The following MEIS3 variants were observed in gnomAD, a reference collection of about 807,000 sequenced individuals.
The protein encoded by MEIS3 is Meis homeobox 3.
A neutral mutation model predicts 51.4 loss-of-function variants in MEIS3; 38 were observed. The observed-to-expected ratio is 0.74, with a 90% CI of 0.57 to 0.97. The LOEUF is 0.97. MEIS3 is among the 50% of genes least tolerant of loss of function. MEIS3 has a pLI of 0.00. For missense variants in MEIS3, 456 were observed against 502.6 expected, an observed-to-expected ratio of 0.91 and a Z score of 0.89; for synonymous variants, 198 against 201.8, an observed-to-expected ratio of 0.98 and a Z score of 0.16.
At chr19:47,420,908 T>TCTCA (rs1312329191), upstream of MEIS3, among the ~76,000 whole-genome samples, 1 of 95,822 alleles carries the variant, frequency 1.0e-5, no homozygotes, top group African/African-American at 3.9e-5. Flanking sequence ...TCTCTCTCTC[T>TCTCA]CTCACACACA....
At chr19:47,407,244 G>A in intron 9 of MEIS3, 107 bp from the exon 10 acceptor site, 1 of 1,479,272 alleles carries the variant, frequency 6.8e-7, no homozygotes. Flanking sequence ...GGCAGAGCGG[G>A]GCGAGCAGGG....
chr19:47,416,979 A>G lies in MEIS3; in HGVS notation c.186-16T>C. 6.4e-7 allele frequency: 1 copy of G among 1,565,600 alleles called. No homozygotes were observed. Reference sequence around the variant, plus strand: ...GAGCGGGTGTCTGGGGAGGCAGGAAAGGAGAGAGGTTGAGGGAGAGGCTGG... The same window carrying G: ...GAGCGGGTGTCTGGGGAGGCAGGAAGGGAGAGAGGTTGAGGGAGAGGCTGG... On this transcript the variant is annotated splice_polypyrimidine_tract_variant and intron_variant, in intron 2 of 12. Coordinates refer to ENST00000558555, the MANE Select transcript of MEIS3 (RefSeq NM_001301059.2).
chr19:47,419,054 C>G lies in MEIS3; in HGVS notation c.12+16G>C. On this transcript the variant is annotated intron_variant, in intron 1 of 12. Transcript: ENST00000558555. ...CGGAAGCGGCCGGGACGCGGGGTCC[C>G]CGCCCCGAGACCTACCCTCCGGGCC... 8.0e-7 allele frequency: 1 copy of G among 1,245,298 alleles called. No homozygotes were observed. Among genetic ancestry groups the G allele is most frequent in the Non-Finnish European group, 1.0e-6 (1 of 996,010 alleles). The allele number at this position is 1,245,298 out of a possible 1,614,324, so 77.1% of individuals were successfully genotyped here.
At chr19:47,407,618 A>C in intron 8 of MEIS3, 190 bp from the exon 9 acceptor site, 2 of 1,375,170 alleles carry the variant, frequency 1.5e-6, no homozygotes, top group Non-Finnish European at 9.5e-7. Context: ...GGGCAATTAC[A>C]TGCCTGCCAG....
rs758180562 is a variant in MEIS3, at chr19:47,407,369, G to A, written c.918C>T (p.Ile306=). The change falls in exon 9 of 13, where the codon ATC becomes ATT. Residue 306 remains isoleucine (I), a synonymous_variant. Coordinates refer to ENST00000558555, the MANE Select transcript of MEIS3 (RefSeq NM_001301059.2). ...CCACTCACCAGTTGTTGACTTGCAG[G>A]ATGGTGAGCCCCGTGTCCTGCGCCA... The part of the protein sequence containing the change: ...KQLAQDTGLT[I]LQVNNWFINA... 5 of 1,613,306 alleles carry A rather than the reference G, an allele frequency of 3.1e-6. No homozygotes were observed. The East Asian group carries it at 8.9e-5, about 29-fold the overall frequency.
Position 47,407,409 on chromosome 19 carries a change from T to C in MEIS3, c.878A>G (p.Glu293Gly). Residue 293 changes from glutamate (E) to glycine (G), a missense_variant, in exon 9 of 13, where the codon GAG (glutamate) becomes GGG (glycine). Coordinates refer to ENST00000558555, the MANE Select transcript of MEIS3 (RefSeq NM_001301059.2). ...QHLSHPYPSE[E>G]QKKQLAQDTG... is the part of the protein sequence containing the mutation. ...GTCCTGCGCCAGCTGTTTCTTCTGC[T>C]CCTCCGAGGGGTACGGGTGCTGCAG... 1.9e-6 allele frequency: 3 copies of C among 1,613,550 alleles called. No homozygotes were observed. In the South Asian group the frequency reaches 3.3e-5, roughly 18 times the overall value.
intron 6 of MEIS3, 57 bp downstream of exon 6, chr19:47,414,660 G>A (rs968409569): frequency 1.1e-4 from 173 of 1,537,114 alleles, no homozygotes; most frequent in East Asian, 1.9e-4. Flanking sequence ...GCCCTCATGC[G>A]GTGTCCAGGC....
intron 12 of MEIS3, among the ~76,000 whole-genome samples, chr19:47,405,068 G>T (rs1006683929): frequency 1.3e-5 from 2 of 152,192 alleles, no homozygotes; most frequent in Admixed American, 1.3e-4. Context: ...GAAACTCTAG[G>T]CTGCCTCCCT....
upstream of MEIS3, among the ~76,000 whole-genome samples, chr19:47,420,940 A>ACACACACACACACTCTCT (rs1187725467): frequency 3.3e-5 from 3 of 90,998 alleles, no homozygotes; most frequent in African/African-American, 1.1e-4. Context: ...ACACACACAC[A>ACACACACACACACTCTCT]CTCTCTCTCT....
upstream of MEIS3, among the ~76,000 whole-genome samples, chr19:47,420,647 T>C (rs937028536): frequency 3.3e-4 from 49 of 149,424 alleles, no homozygotes; most frequent in African/African-American, 1.2e-3. Flanking sequence ...CCTGGAGTCG[T>C]CCCTGCCACC....
rs1389432604 is a variant in MEIS3, at chr19:47,414,772, C to A, written c.542G>T (p.Gly181Val). 2 of 1,613,352 alleles carry A rather than the reference C, an allele frequency of 1.2e-6. No individual in the cohort carries two copies. Among genetic ancestry groups the A allele is most frequent in the Admixed American group, 3.3e-5 (2 of 59,994 alleles). The change falls in exon 6 of 13, where the codon GGC (glycine) becomes GTC (valine). Residue 181 changes from glycine to valine, a missense_variant. By Grantham distance (109) the Gly-to-Val change is moderately radical. Coordinates refer to ENST00000558555, the MANE Select transcript of MEIS3 (RefSeq NM_001301059.2). Reference sequence around the variant, plus strand: ...GTAGTCCTCGAAGTCCTCCCTGCAGCCGCCGTCCCGATCCTCGATGACCAG... The same window carrying A: ...GTAGTCCTCGAAGTCCTCCCTGCAGACGCCGTCCCGATCCTCGATGACCAG... ...IDLVIEDRDG[G>V]CREDFEDYPA... is the part of the protein sequence containing the mutation.
At chr19:47,411,542 CTTTTT>C (rs1249273264) in intron 6 of MEIS3, among the ~76,000 whole-genome samples, 1 of 96,010 alleles carries the variant, frequency 1.0e-5, no homozygotes. Flanking sequence ...TTTTTCTTTT[CTTTTT>C]TTTTTTTTTT....
At chr19:47,422,008 T>TG (rs1431914408), upstream of MEIS3, among the ~76,000 whole-genome samples, 2 of 151,330 alleles carry the variant, frequency 1.3e-5, no homozygotes, top group African/African-American at 4.9e-5. Context: ...TCCCGCTGCC[T>TG]GGCCCAGCTC....
chr19:47,415,059 G>T lies in MEIS3; in HGVS notation c.439C>A (p.Leu147Met). 1.3e-6 allele frequency: 2 copies of T among 1,557,616 alleles called. No individual in the cohort carries two copies. Among genetic ancestry groups the T allele is most frequent in the Non-Finnish European group, 1.7e-6 (2 of 1,152,716 alleles). Residue 147 changes from leucine to methionine, a missense_variant, in exon 5 of 13, where the codon CTG becomes ATG. Leu to Met is a conservative substitution (Grantham distance 15). Coordinates refer to ENST00000558555, the MANE Select transcript of MEIS3 (RefSeq NM_001301059.2). The stretch of plus-strand genomic sequence containing the variant: ...AGGTGAGACGCGCTCACCTTCTCCA[G>T]CTCCAGCAGGTGGAACCGCAGCACC... ...IQVLRFHLLELEKVHDLCDNF... is the reference protein window; with the variant it reads ...IQVLRFHLLEMEKVHDLCDNF...
chr19:47,405,214 G>A (rs1364416099), intron 12 of MEIS3, among the ~76,000 whole-genome samples: 3 of 152,122 alleles, frequency 2.0e-5, no homozygotes, highest in Admixed American at 6.5e-5. Context: ...TTTCGGGATC[G>A]TTGTAAGGAC....
Position 47,417,484 on chromosome 19 carries a change from G to A in MEIS3, c.13-134C>T, listed in dbSNP as rs1050451429. The A allele has an allele frequency of 8.0e-6, 9 of 1,125,260 alleles. No homozygotes were observed. In the African/African-American group the frequency reaches 1.1e-4, roughly 14 times the overall value. The allele number at this position is 1,125,260 out of a possible 1,614,324, so 69.7% of individuals were successfully genotyped here. The stretch of plus-strand genomic sequence containing the variant: ...CCCAGAAACCTGCCTGTGGTCCCCA[G>A]GTGTCTGAGCCCCCAAGCTTGAAGC... On this transcript the variant is annotated intron_variant, in intron 1 of 12. Transcript: ENST00000558555.
At chr19:47,413,639 T>C (rs1022277159) in intron 6 of MEIS3, among the ~76,000 whole-genome samples, 2 of 152,020 alleles carry the variant, frequency 1.3e-5, no homozygotes, top group Admixed American at 1.3e-4. Context: ...GCTGTGTGTG[T>C]TTTCCGTCTG....
intron 9 of MEIS3, 90 bp from the exon 10 acceptor site, chr19:47,407,227 C>CGGGGGAGGCA: frequency 1.3e-6 from 2 of 1,495,886 alleles, no homozygotes; most frequent in Non-Finnish European, 1.8e-6. Flanking sequence ...AGGACAGCGG[C>CGGGGGAGGCA]GGGGGAGGCA....
At chr19:47,418,296 C>G (rs914682045) in intron 1 of MEIS3, 4 of 152,628 alleles carry the variant, frequency 2.6e-5, no homozygotes, top group African/African-American at 7.3e-5. Context: ...CTCGGACCCT[C>G]GCCTGGCTGG....
Sources: gnomAD v4.1 joint callset for allele counts (sites outside exome capture counted in the v4.1 genomes callset) on GRCh38, gnomAD v4.1.1 for gene constraint, MANE v1.5 for transcripts, NCBI Gene and HGNC (gene_info 2026-07-23, HGNC 2026-07-21) for gene names.